JADE1: variants seen among roughly 807,000 people sequenced by gnomAD.
The protein encoded by JADE1 is jade family PHD finger 1, also known as protein Jade-1.
A neutral mutation model predicts 81.8 loss-of-function variants in JADE1; 14 were observed. The observed-to-expected ratio is 0.17, with a 90% CI of 0.11 to 0.27. The LOEUF is 0.27. Among genes scored for constraint, JADE1 ranks in the 10% least tolerant of loss-of-function variants. The probability of loss-of-function intolerance (pLI) is 1.00; values close to 1 mark genes in which losing one functional copy is unlikely to be tolerated. For missense variants in JADE1, 690 were observed against 1,047.9 expected (o/e 0.66, Z 4.71); for synonymous variants, 353 against 391.9 (o/e 0.90, Z 1.17).
At chr4:128,863,987 A>G (rs1169335290) in intron 9 of JADE1, 1 of 985,284 alleles carries the variant, frequency 1.0e-6, no homozygotes, top group Non-Finnish European at 1.2e-6. Flanking sequence ...TTCTAATTCT[A>G]AACATTTTTT....
chr4:128,858,891 A>G (rs1347259312), intron 8 of JADE1, among the ~76,000 whole-genome samples: 1 of 152,150 alleles, frequency 6.6e-6, no homozygotes, highest in African/African-American at 2.4e-5. Flanking sequence ...TACAGGCTTG[A>G]GCCACCGCGC....
intron 4 of JADE1, among the ~76,000 whole-genome samples, chr4:128,847,360 C>CT (rs563895035): frequency 5.3e-5 from 8 of 152,184 alleles, no homozygotes; most frequent in Admixed American, 3.3e-4. Context: ...CTTTGTGTCT[C>CT]TTTTTTTGGG....
intron 8 of JADE1, among the ~76,000 whole-genome samples, chr4:128,859,269 TGA>T (rs1731077480): frequency 6.6e-6 from 1 of 151,776 alleles, no homozygotes; most frequent in Admixed American, 6.6e-5. Flanking sequence ...TGTGGGGGTG[TGA>T]GTGTGCATGT....
intron 1 of JADE1, among the ~76,000 whole-genome samples, chr4:128,828,818 AT>A (rs922863040): frequency 1.3e-5 from 2 of 152,032 alleles, no homozygotes; most frequent in African/African-American, 2.4e-5. Flanking sequence ...TAATTTTTAA[AT>A]TTTTTTATAG....
At chr4:128,868,398 T>C (rs1731941343) in intron 10 of JADE1, among the ~76,000 whole-genome samples, 1 of 151,656 alleles carries the variant, frequency 6.6e-6, no homozygotes, top group African/African-American at 2.4e-5. Context: ...GTAAATATGG[T>C]CAATATATGT....
At chr4:128,866,052 G>C (rs1258208211) in intron 9 of JADE1, among the ~76,000 whole-genome samples, 1 of 152,142 alleles carries the variant, frequency 6.6e-6, no homozygotes, top group Non-Finnish European at 1.5e-5. Flanking sequence ...CCTCGTTCTT[G>C]AGCTTCACTC....
At chr4:128,862,672 A>C (rs1731440878) in intron 9 of JADE1, 1 of 1,016,498 alleles carries the variant, frequency 9.8e-7, no homozygotes, top group Admixed American at 5.1e-5. Context: ...CAGTCCGGGG[A>C]AACACACCTA....
chr4:128,869,230 A>G (rs1373983330), intron 10 of JADE1, among the ~76,000 whole-genome samples: 1 of 152,242 alleles, frequency 6.6e-6, no homozygotes, highest in African/African-American at 2.4e-5. Flanking sequence ...TCAAGTGTAT[A>G]TCATTAGCTG....
At chr4:128,842,717 G>A (rs2125848803) in intron 2 of JADE1, among the ~76,000 whole-genome samples, 1 of 152,318 alleles carries the variant, frequency 6.6e-6, no homozygotes, top group African/African-American at 2.4e-5. Flanking sequence ...GTTGGGTGTG[G>A]TCCTTGATAC....
rs772476889 is a variant in JADE1 at position 128,849,202 on chromosome 4, A to G, written c.484+35A>G. Reference sequence around the variant, plus strand: ...CATGTATTCTATTATTTTATTAACCAATGATGAATAGAGACATTTTAGGCA... The same window carrying G: ...CATGTATTCTATTATTTTATTAACCGATGATGAATAGAGACATTTTAGGCA... On this transcript the variant is annotated intron_variant, in intron 5 of 10. Transcript: ENST00000226319. The G allele has an allele frequency of 7.1e-6, 11 of 1,541,308 alleles. No homozygotes were observed. The South Asian group carries it at 9.5e-5, about 13-fold the overall frequency.
chr4:128,809,809 G>A lies in JADE1; in HGVS notation c.-95G>A, dbSNP rs541186331. 2 of 151,776 alleles carry A rather than the reference G, an allele frequency of 1.3e-5. No individual in the cohort carries two copies. Among genetic ancestry groups the A allele is most frequent in the Non-Finnish European group, 2.9e-5 (2 of 67,908 alleles). The allele number at this position is 151,776 out of a possible 1,614,324, so 9.4% of individuals were successfully genotyped here. A position where few individuals can be genotyped will look rare whatever the true frequency, so the allele number is the denominator to read the frequency against. On this transcript the variant is annotated 5_prime_UTR_variant, in exon 1 of 11. Transcript: ENST00000226319. ...CCCGGCTCCCCGCCCGCCGCGGCCC[G>A]AACTCATGCAGCTCCGAGCGAGCGA...
intron 1 of JADE1, among the ~76,000 whole-genome samples, chr4:128,828,819 T>A (rs1728286227): frequency 6.6e-6 from 1 of 152,128 alleles, no homozygotes; most frequent in Admixed American, 6.5e-5. Flanking sequence ...AATTTTTAAA[T>A]TTTTTTATAG....
intron 1 of JADE1, among the ~76,000 whole-genome samples, chr4:128,819,792 C>G (rs143531602): frequency 1.5e-4 from 23 of 152,314 alleles, no homozygotes; most frequent in Non-Finnish European, 5.9e-5. Context: ...GATAACGTAT[C>G]ATGGCCTTAG....
At chr4:128,858,506 T>C (rs1198345975) in intron 8 of JADE1, among the ~76,000 whole-genome samples, 1 of 152,166 alleles carries the variant, frequency 6.6e-6, no homozygotes, top group East Asian at 1.9e-4. Flanking sequence ...GAGAGCATGG[T>C]CATCCTGTCA....
At position 128,872,086 on chromosome 4, in the gene JADE1, C is replaced by G. The variant is rs758580656; in HGVS notation, c.2353C>G (p.Pro785Ala). ...DYPYLGLGRVPAKERAKSKLK... is the reference protein window; with the variant it reads ...DYPYLGLGRVAAKERAKSKLK... ...CCCATATTTGGGCTTAGGCCGAGTTCCAGCCAAGGAAAGGGCAAAAAGCAA... is the reference window on the plus strand; with the variant it reads ...CCCATATTTGGGCTTAGGCCGAGTTGCAGCCAAGGAAAGGGCAAAAAGCAA... The change falls in exon 11 of 11, where the codon CCA (proline) becomes GCA (alanine). Residue 785 changes from proline (P) to alanine (A), a missense_variant. Pro to Ala is a conservative substitution (Grantham distance 27). This residue lies in a region of JADE1 where 218 missense variants were observed against 274.3 expected (regional missense o/e 0.79). Coordinates refer to ENST00000226319, the MANE Select transcript of JADE1 (RefSeq NM_199320.4). 6.2e-7 allele frequency: 1 copy of G among 1,614,088 alleles called. No individual in the cohort carries two copies. Among genetic ancestry groups the G allele is most frequent in the South Asian group, 1.1e-5 (1 of 91,080 alleles).
At position 128,846,453 on chromosome 4, in the gene JADE1, G is replaced by A; in HGVS notation, c.217G>A (p.Ala73Thr). ...QLNPDEYYVL[A>T]DPWRQEWEKG... Reference sequence around the variant, plus strand: ...GAATCCGGATGAGTACTATGTGTTGGCAGATCCCTGGAGACAGGAATGGGA... The same window carrying A: ...GAATCCGGATGAGTACTATGTGTTGACAGATCCCTGGAGACAGGAATGGGA... The change falls in exon 4 of 11, where the codon GCA becomes ACA. Residue 73 changes from alanine (A) to threonine (T), a missense_variant. This residue lies in a region of JADE1 where 98 missense variants were observed against 161.3 expected (regional missense o/e 0.61). Coordinates refer to ENST00000226319, the MANE Select transcript of JADE1 (RefSeq NM_199320.4). The surrounding 1 kb of genome is among the most constrained non-coding windows in gnomAD (Gnocchi z 4.0). 1.9e-6 allele frequency: 3 copies of A among 1,614,162 alleles called. No individual in the cohort carries two copies. The highest frequency in any genetic ancestry group is 2.5e-6 in the Non-Finnish European group (3 of 1,180,020).
chr4:128,825,910 A>G (rs1411096190), intron 1 of JADE1, among the ~76,000 whole-genome samples: 1 of 152,210 alleles, frequency 6.6e-6, no homozygotes, highest in African/African-American at 2.4e-5. Context: ...ACAGATGCTC[A>G]GTTGTCTTGG....
chr4:128,846,602 A>C lies in JADE1; in HGVS notation c.296+70A>C. 5 of 1,511,256 alleles carry C rather than the reference A, an allele frequency of 3.3e-6. No homozygotes were observed. Among genetic ancestry groups the C allele is most frequent in the Non-Finnish European group, 4.5e-6 (5 of 1,105,114 alleles). 93.6% of individuals were successfully genotyped at this position (1,511,256 alleles called of 1,614,324 possible). ...CTTCTTCCCTGACAGCAGGCATCTG[A>C]GAAGAGACAATTTCTGTGGGAAGAG... On this transcript the variant is annotated intron_variant, in intron 4 of 10. Transcript: ENST00000226319. This position sits in a 1 kb window ranked among gnomAD's most constrained non-coding sequence, Gnocchi z 4.0.
chr4:128,835,253 A>G (rs1019830319), intron 2 of JADE1, among the ~76,000 whole-genome samples: 1 of 152,352 alleles, frequency 6.6e-6, no homozygotes, highest in East Asian at 1.9e-4. Context: ...AATATAAAGT[A>G]TATATTGATG....
Sources: gnomAD v4.1 joint callset for allele counts (sites outside exome capture counted in the v4.1 genomes callset) on GRCh38, gnomAD v4.1.1 for gene constraint, gnomAD v4.1.1 regional missense constraint, Gnocchi (gnomAD v3.1) non-coding constraint, MANE v1.5 for transcripts, NCBI Gene and HGNC (gene_info 2026-07-23, HGNC 2026-07-21) for gene names.